The following ACOT7 variants were observed in gnomAD, a reference collection of about 807,000 sequenced individuals.
ACOT7 encodes the protein cytosolic acyl coenzyme A thioester hydrolase.
A neutral mutation model predicts 40.2 loss-of-function variants in ACOT7; 12 were observed. The ratio of observed to expected loss-of-function variants is 0.30; its 90% CI spans 0.19 to 0.48. The LOEUF is 0.48. Ranked by LOEUF, ACOT7 falls within the 20% of genes least tolerant of loss-of-function variation. The pLI, the probability that ACOT7 is intolerant of heterozygous loss-of-function variation, is 0.99. For synonymous variants in ACOT7, 228 were observed against 219.5 expected (o/e 1.04, Z -0.34); for missense variants, 395 against 530.8 (o/e 0.74, Z 2.51).
At chr1:6,271,811 A>T (rs1046668295) in intron 8 of ACOT7, among the ~76,000 whole-genome samples, 1 of 152,220 alleles carries the variant, frequency 6.6e-6, no homozygotes, top group Non-Finnish European at 1.5e-5. Flanking sequence ...ACCGGCTCAG[A>T]CTCCGAAAGA....
Position 6,306,060 on chromosome 1 carries a change from G to A in ACOT7, c.713-11080C>T, listed in dbSNP as rs549833002. Among the ~76,000 whole-genome samples the A allele has an allele frequency of 1.3e-5, 2 of 152,068 alleles. No individual in the cohort carries two copies. Among genetic ancestry groups the A allele is most frequent in the African/African-American group, 4.8e-5 (2 of 41,424 alleles). On this transcript the variant is annotated intron_variant, in intron 6 of 8. Transcript: ENST00000361521. This position sits in a 1 kb window ranked among gnomAD's most constrained non-coding sequence, Gnocchi z 4.3. ...GAAAACCAGTCAGGCGTGGCGGCGC[G>A]CGCCTGCAATCGCAGGCACTCGGCA...
intron 7 of ACOT7, 69 bp from the exon 8 acceptor site, chr1:6,281,355 T>C (rs1308432657): frequency 3.5e-6 from 5 of 1,443,806 alleles, no homozygotes; most frequent in Non-Finnish European, 4.8e-6. Context: ...CACTGGCGTT[T>C]CTGTGGTCAG....
In ACOT7 at chr1:6,305,953, G is replaced by A. The variant is rs1313628829; in HGVS notation, c.713-10973C>T. On this transcript the variant is annotated intron_variant, in intron 6 of 8. Transcript: ENST00000361521. The stretch of plus-strand genomic sequence containing the variant: ...TGCAATCCCGGCACCTCGGGAGGCC[G>A]AGGCTGGCGGATCACTCGCGGTTAG... 5.3e-5 allele frequency among the ~76,000 whole-genome samples: 8 copies of A among 151,882 alleles called. No individual in the cohort carries two copies. In the South Asian group the frequency reaches 1.5e-3, roughly 28 times the overall value.
At chr1:6,388,810 G>A (rs575292219) in intron 1 of ACOT7, among the ~76,000 whole-genome samples, 62 of 150,936 alleles carry the variant, frequency 4.1e-4, no homozygotes, top group Non-Finnish European at 6.6e-4. Flanking sequence ...AGGCCAAGGT[G>A]GGAGGACCAC....
At position 6,275,422 on chromosome 1, in the gene ACOT7, G is replaced by C. The variant is rs1457083033; in HGVS notation, c.1014+5680C>G. 2.6e-5 allele frequency among the ~76,000 whole-genome samples: 4 copies of C among 152,148 alleles called. No individual in the cohort carries two copies. In the East Asian group the frequency reaches 7.7e-4, roughly 29 times the overall value. On this transcript the variant is annotated intron_variant, in intron 8 of 8. Coordinates refer to ENST00000361521, the MANE Select transcript of ACOT7 (RefSeq NM_007274.4). The surrounding 1 kb of genome is among the most constrained non-coding windows in gnomAD (Gnocchi z 5.6). ...CCCTGGCTATGCATGAGGCAGCTCT[G>C]AAAGGCAAGGTAAAGATGGCCACAG...
chr1:6,266,014 G>A (rs1571251140), intron 8 of ACOT7, among the ~76,000 whole-genome samples: 2 of 152,246 alleles, frequency 1.3e-5, no homozygotes, highest in East Asian at 1.9e-4. Context: ...AAACCTCGCC[G>A]GCCTGGAGCC....
At position 6,355,205 on chromosome 1, in the gene ACOT7, C is replaced by T. The variant is rs555499287; in HGVS notation, c.144-5339G>A. Among the ~76,000 whole-genome samples, 11 of 152,184 alleles carry T rather than the reference C, an allele frequency of 7.2e-5. No individual in the cohort carries two copies. Among genetic ancestry groups the T allele is most frequent in the Admixed American group, 1.3e-4 (2 of 15,278 alleles). ...CCATTCACAAATAGGGGAGTGTAAGCGAATACCCACTCACAGAGGGCACCC... is the reference window on the plus strand; with the variant it reads ...CCATTCACAAATAGGGGAGTGTAAGTGAATACCCACTCACAGAGGGCACCC... On this transcript the variant is annotated intron_variant, in intron 1 of 8. Transcript: ENST00000361521. The surrounding 1 kb of genome is among the most constrained non-coding windows in gnomAD (Gnocchi z 5.0).
intron 1 of ACOT7, among the ~76,000 whole-genome samples, chr1:6,377,487 A>C (rs1454762474): frequency 2.6e-5 from 4 of 152,224 alleles, no homozygotes; most frequent in Admixed American, 2.6e-4. Context: ...TCTTAGTAGA[A>C]TCTTAATAGG....
Position 6,356,703 on chromosome 1 carries a change from G to T in ACOT7, c.144-6837C>A, listed in dbSNP as rs60236289. Among the ~76,000 whole-genome samples the T allele has an allele frequency of 4.8e-3, 737 of 152,024 alleles. 4 individuals carry two copies. Among genetic ancestry groups the T allele is most frequent in the Middle Eastern group, 0.014 (4 of 294 alleles). On this transcript the variant is annotated intron_variant, in intron 1 of 8. Coordinates refer to ENST00000361521, the MANE Select transcript of ACOT7 (RefSeq NM_007274.4). The stretch of plus-strand genomic sequence containing the variant: ...GGAGGCCGAGGCGGGCGGATCATGA[G>T]GTCAGGAGTTTGAGACCAGGCTGGC...
chr1:6,281,584 G>A (rs1639361693), intron 7 of ACOT7, among the ~76,000 whole-genome samples: 1 of 152,232 alleles, frequency 6.6e-6, no homozygotes, highest in Non-Finnish European at 1.5e-5. Flanking sequence ...AGCACCTGCT[G>A]AAAGGCTTCA....
chr1:6,293,645 G>A (rs1281605352), intron 7 of ACOT7, among the ~76,000 whole-genome samples: 1 of 152,248 alleles, frequency 6.6e-6, no homozygotes, highest in Non-Finnish European at 1.5e-5. Flanking sequence ...AGGCTACAGT[G>A]AGCAGGGATT....
rs913159944 is a variant in ACOT7 at position 6,393,585 on chromosome 1, C to G, written c.-186G>C. 4.1e-4 allele frequency: 175 copies of G among 427,942 alleles called. 1 individual carries two copies. Among genetic ancestry groups the G allele is most frequent in the African/African-American group, 3.4e-3 (161 of 47,864 alleles). 26.5% of individuals were successfully genotyped at this position (427,942 alleles called of 1,614,324 possible). A position where few individuals can be genotyped will look rare whatever the true frequency, so the allele number is the denominator to read the frequency against. On this transcript the variant is annotated 5_prime_UTR_variant, in exon 1 of 9. Transcript: ENST00000361521. ...GTACGATTCTGGCGGCGTGGGGGCC[C>G]AGGCAGCCGCCGCTTCCAGAAGGTT...
intron 7 of ACOT7, among the ~76,000 whole-genome samples, chr1:6,292,117 G>C (rs1467597573): frequency 6.6e-6 from 1 of 152,226 alleles, no homozygotes; most frequent in Admixed American, 6.5e-5. Context: ...GTGGGCCCTG[G>C]AGGATACTGG....
At position 6,299,647 on chromosome 1, in the gene ACOT7, AG is replaced by A. The variant is rs1639911040; in HGVS notation, c.713-4668del. The stretch of plus-strand genomic sequence containing the variant: ...GGTACTAGGTCATGGCTTCAGAGAG[AG>A]AGAGAGAGAGAGCGCAAGTGTGTGT... On this transcript the variant is annotated intron_variant, in intron 6 of 8. Transcript: ENST00000361521. This position sits in a 1 kb window ranked among gnomAD's most constrained non-coding sequence, Gnocchi z 4.1. Among the ~76,000 whole-genome samples the A allele has an allele frequency of 6.7e-6, 1 of 149,072 alleles. No homozygotes were observed. The highest frequency in any genetic ancestry group is 2.5e-5 in the African/African-American group (1 of 39,772).
At chr1:6,365,626 G>A (rs78228352) in intron 1 of ACOT7, among the ~76,000 whole-genome samples, 11,506 of 151,728 alleles carry the variant, frequency 0.076, 626 homozygotes, top group African/African-American at 0.14. Flanking sequence ...AAATTAGCCC[G>A]GCATGGTAGT....
intron 1 of ACOT7, among the ~76,000 whole-genome samples, chr1:6,383,667 T>C (rs1430376704): frequency 1.3e-5 from 2 of 151,156 alleles, no homozygotes; most frequent in African/African-American, 4.8e-5. Flanking sequence ...TCCTGAGTGG[T>C]TGAGACTACA....
Position 6,378,418 on chromosome 1 carries a change from C to T in ACOT7, c.143+14839G>A, listed in dbSNP as rs543540298. 3.6e-4 allele frequency among the ~76,000 whole-genome samples: 55 copies of T among 152,082 alleles called. 1 individual carries two copies. In the South Asian group the frequency reaches 1.0e-2, roughly 28 times the overall value. On this transcript the variant is annotated intron_variant, in intron 1 of 8. Coordinates refer to ENST00000361521, the MANE Select transcript of ACOT7 (RefSeq NM_007274.4). The stretch of plus-strand genomic sequence containing the variant: ...CAACAAGTCCCATGGGGGCAGGTAC[C>T]GTTGGGCCTTCTCCCAGTCCCGGGC...
At chr1:6,367,347 C>T (rs763683287) in intron 1 of ACOT7, among the ~76,000 whole-genome samples, 3 of 152,164 alleles carry the variant, frequency 2.0e-5, no homozygotes, top group Non-Finnish European at 4.4e-5. Flanking sequence ...GGCACCTTTG[C>T]CTAAGTTTTG....
intron 8 of ACOT7, among the ~76,000 whole-genome samples, chr1:6,276,323 T>A (rs960135299): frequency 6.6e-6 from 1 of 151,858 alleles, no homozygotes; most frequent in South Asian, 2.1e-4. Flanking sequence ...CTGCTGTCCC[T>A]CCCCACAAGC....
Sources: allele counts gnomAD v4.1 joint callset (sites outside exome capture counted in the v4.1 genomes callset), GRCh38; gene constraint gnomAD v4.1.1; non-coding constraint Gnocchi (gnomAD v3.1); transcripts MANE v1.5; gene names NCBI Gene and HGNC (gene_info 2026-07-23, HGNC 2026-07-21).